TBX5: variants seen among roughly 807,000 people sequenced by gnomAD.
TBX5 encodes T-box transcription factor TBX5.
Under a neutral mutation model 51.1 loss-of-function variants are expected in TBX5, and 8 were observed. The ratio of observed to expected loss-of-function variants is 0.16; its 90% confidence interval spans 0.09 to 0.28. TBX5 has a LOEUF of 0.28. TBX5 is among the 10% of genes least tolerant of loss of function. The pLI is 1.00. For synonymous variants in TBX5, 302 were observed against 266.4 expected (o/e 1.13, Z -1.30); for missense variants, 589 against 671.7 (o/e 0.88, Z 1.36).
At chr12:114,358,070 C>T (rs922731058) in intron 8 of TBX5, among the ~76,000 whole-genome samples, 5 of 152,206 alleles carry the variant, frequency 3.3e-5, no homozygotes, top group African/African-American at 1.2e-4. Context: ...AAGTGACTTG[C>T]CCAAGGTCAC....
intron 7 of TBX5, among the ~76,000 whole-genome samples, chr12:114,370,965 G>T (rs529501300): frequency 6.6e-6 from 1 of 151,844 alleles, no homozygotes; most frequent in African/African-American, 2.4e-5. Context: ...CCTATATCAA[G>T]GGGAATGGTG....
intron 6 of TBX5, among the ~76,000 whole-genome samples, chr12:114,389,189 A>G (rs1434582029): frequency 1.3e-5 from 2 of 151,910 alleles, no homozygotes; most frequent in Non-Finnish European, 2.9e-5. Flanking sequence ...CGGCCTCCCA[A>G]AGTGCTAGGA....
At position 114,392,976 on chromosome 12, in the gene TBX5, T is replaced by C. The variant is rs530474563; in HGVS notation, c.663+1765A>G. 5.9e-5 allele frequency among the ~76,000 whole-genome samples: 9 copies of C among 152,290 alleles called. No individual in the cohort carries two copies. The East Asian group carries it at 1.5e-3, about 26-fold the overall frequency. On this transcript the variant is annotated intron_variant, in intron 6 of 8. Coordinates refer to ENST00000405440, the MANE Select transcript of TBX5 (RefSeq NM_181486.4). ...CTTTCCGAGGGCAGGAAGCTCTCTC[T>C]CGACCTGGGTTCCCAGACAGGCTTT...
intron 7 of TBX5, among the ~76,000 whole-genome samples, chr12:114,369,013 G>GA (rs943491773): frequency 6.6e-6 from 1 of 151,236 alleles, no homozygotes; most frequent in Non-Finnish European, 1.5e-5. Flanking sequence ...AAAAAAAAAA[G>GA]AAAAAAAGAA....
chr12:114,382,185 G>C (rs1030188270), intron 7 of TBX5, among the ~76,000 whole-genome samples: 1 of 151,996 alleles, frequency 6.6e-6, no homozygotes, highest in African/African-American at 2.4e-5. Context: ...GCGGTGCTGT[G>C]TGCCTGGACA....
At chr12:114,388,455 C>T (rs1288315598) in intron 6 of TBX5, among the ~76,000 whole-genome samples, 2 of 152,102 alleles carry the variant, frequency 1.3e-5, no homozygotes, top group Admixed American at 6.5e-5. Flanking sequence ...CCATGCCCAG[C>T]TGAGCCAAGT....
intron 7 of TBX5, among the ~76,000 whole-genome samples, chr12:114,370,287 A>AGAAAAGAAAAGAAAAGAAAG: frequency 2.5e-5 from 1 of 40,758 alleles, no homozygotes; most frequent in Non-Finnish European, 7.9e-5. Context: ...AGAAAAGAAA[A>AGAAAAGAAAAGAAAAGAAAG]GAAAGAAAAG....
At chr12:114,370,681 C>T (rs1869851431) in intron 7 of TBX5, among the ~76,000 whole-genome samples, 1 of 151,622 alleles carries the variant, frequency 6.6e-6, no homozygotes, top group Admixed American at 6.6e-5. Flanking sequence ...CTATCTTCCT[C>T]TTTTTTATAT....
intron 8 of TBX5, among the ~76,000 whole-genome samples, chr12:114,358,799 T>TTGTC (rs1869067430): frequency 6.6e-6 from 1 of 152,032 alleles, no homozygotes; most frequent in South Asian, 2.1e-4. Flanking sequence ...GTTTGTTTGT[T>TTGTC]TGTTTGTTTG....
At chr12:114,386,989 CCAG>C (rs761805861) in intron 6 of TBX5, among the ~76,000 whole-genome samples, 46 of 151,900 alleles carry the variant, frequency 3.0e-4, no homozygotes, top group South Asian at 1.9e-3. Context: ...TCCTATAATC[CCAG>C]CTACTCCAGA....
At chr12:114,393,148 G>A (rs1871249659) in intron 6 of TBX5, among the ~76,000 whole-genome samples, 1 of 152,174 alleles carries the variant, frequency 6.6e-6, no homozygotes, top group African/African-American at 2.4e-5. Flanking sequence ...CCTTCGAGGG[G>A]TGAGGGGAGG....
intron 6 of TBX5, 30 bp downstream of exon 6, chr12:114,394,711 C>A (rs1871326775): frequency 6.2e-7 from 1 of 1,613,736 alleles, no homozygotes; most frequent in African/African-American, 1.3e-5. Context: ...CAGACGGCCC[C>A]AGGCACTGGT....
At chr12:114,398,779 A>C in intron 4 of TBX5, 59 bp from the exon 5 acceptor site, 11 of 1,560,092 alleles carry the variant, frequency 7.1e-6, no homozygotes, top group African/African-American at 1.3e-5. Context: ...AGCGCACTGC[A>C]CCGAAGCGTG....
rs140334550 is a variant in TBX5, at chr12:114,392,856, G to A, written c.663+1885C>T. ...GCATCTTTCAGGGCATTCGACCCTC[G>A]GTTTTGCTCTTGCTGGTTCAACAGG... is the stretch of plus-strand genomic sequence containing the variant. On this transcript the variant is annotated intron_variant, in intron 6 of 8. Transcript: ENST00000405440. Among the ~76,000 whole-genome samples the A allele has an allele frequency of 1.1e-3, 164 of 152,202 alleles. 4 individuals carry two copies. The South Asian group carries it at 0.018, about 17-fold the overall frequency.
In TBX5 at chr12:114,360,765, G is replaced by A. The variant is rs1444778829; in HGVS notation, c.983-4659C>T. ...TGAATGGTGGGTGGATGGATTGGTG[G>A]GTGGGTGGATGAGTGGGTGGATGAC... On this transcript the variant is annotated intron_variant, in intron 8 of 8. Transcript: ENST00000405440. 2.0e-5 allele frequency among the ~76,000 whole-genome samples: 3 copies of A among 151,606 alleles called. No individual in the cohort carries two copies. In the East Asian group the frequency reaches 5.8e-4, roughly 29 times the overall value.
chr12:114,405,631 G>A lies in TBX5; in HGVS notation c.-42C>T, dbSNP rs1565944113. 1 of 924,604 alleles carries A rather than the reference G, an allele frequency of 1.1e-6. No individual in the cohort carries two copies. The highest frequency in any genetic ancestry group is 1.3e-6 in the Non-Finnish European group (1 of 774,456). The allele number at this position is 924,604 out of a possible 1,614,324, so 57.3% of individuals were successfully genotyped here. On this transcript the variant is annotated 5_prime_UTR_variant, in exon 1 of 9. The change creates a new upstream start codon in the 5' untranslated region. Transcript: ENST00000405440. ...GGCCATCTGCCGGGACGGTTACCTC[G>A]TTCGGTGAAGCCGGTGCATTCACCA...
intron 6 of TBX5, among the ~76,000 whole-genome samples, chr12:114,389,076 C>T (rs926239261): frequency 6.6e-6 from 1 of 151,920 alleles, no homozygotes; most frequent in Non-Finnish European, 1.5e-5. Context: ...TGACAGGTGC[C>T]CACCAACACA....
intron 8 of TBX5, among the ~76,000 whole-genome samples, chr12:114,362,842 T>A (rs952402199): frequency 6.6e-6 from 1 of 152,058 alleles, no homozygotes; most frequent in Non-Finnish European, 1.5e-5. Flanking sequence ...ATTTTTTATT[T>A]TTTGTAGAGA....
At chr12:114,367,857 T>G (rs992935404) in intron 7 of TBX5, among the ~76,000 whole-genome samples, 1 of 152,168 alleles carries the variant, frequency 6.6e-6, no homozygotes, top group African/African-American at 2.4e-5. Flanking sequence ...GTAACTATAT[T>G]TCAAATATAA....
Sources: allele counts gnomAD v4.1 joint callset (sites outside exome capture counted in the v4.1 genomes callset), GRCh38; gene constraint gnomAD v4.1.1; transcripts MANE v1.5; gene names NCBI Gene and HGNC (gene_info 2026-07-23, HGNC 2026-07-21).